LOC122513141: variants seen among roughly 807,000 people sequenced by gnomAD.
chr9:137,218,649 C>A, the LOC122513141 span: 1 of 398,616 alleles, frequency 2.5e-6, no homozygotes, highest in Non-Finnish European at 4.4e-6. Flanking sequence ...GGGGCCCAGA[C>A]TGGCCCACGT....
the LOC122513141 span, chr9:137,217,970 A>G: frequency 1.0e-5 from 4 of 398,690 alleles, no homozygotes; most frequent in East Asian, 7.1e-5. Context: ...GACTACAGCC[A>G]GTGAGCCCCT....
chr9:137,217,728 C>T, the LOC122513141 span: 2 of 366,836 alleles, frequency 5.5e-6, no homozygotes, highest in Non-Finnish European at 9.7e-6. Flanking sequence ...ACCCTGCCTT[C>T]CCTGAGGGCC....
the LOC122513141 span, chr9:137,218,076 G>A: frequency 5.0e-6 from 2 of 399,202 alleles, no homozygotes; most frequent in East Asian, 7.1e-5. Context: ...GAGGAGGAGT[G>A]CCCGATCTGC....
the LOC122513141 span, chr9:137,218,551 G>A: frequency 1.5e-5 from 6 of 399,838 alleles, no homozygotes; most frequent in East Asian, 7.1e-5. Context: ...TCTTCACGCC[G>A]CTCCTGCTGC....
At chr9:137,218,644 C>G in the LOC122513141 span, 1 of 398,460 alleles carries the variant, frequency 2.5e-6, no homozygotes, top group Non-Finnish European at 4.4e-6. Flanking sequence ...GCCAGGGGGC[C>G]CAGACTGGCC....
At chr9:137,218,884 G>A in the LOC122513141 span, 1 of 369,004 alleles carries the variant, frequency 2.7e-6, no homozygotes, top group Admixed American at 4.6e-5. Context: ...CAGCCCAGCA[G>A]GAAAGTCTGT....
chr9:137,218,346 C>G, the LOC122513141 span: 1 of 398,366 alleles, frequency 2.5e-6, no homozygotes, highest in Non-Finnish European at 4.4e-6. Flanking sequence ...AACCCTGGGC[C>G]CTGGGGCTCC....
chr9:137,218,316 C>T, the LOC122513141 span: 30 of 398,086 alleles, frequency 7.5e-5, no homozygotes, highest in Non-Finnish European at 1.2e-4. Flanking sequence ...CGCCGAGAGG[C>T]CCCTGCATCC....
the LOC122513141 span, chr9:137,218,401 C>T: frequency 4.3e-5 from 17 of 398,584 alleles, no homozygotes; most frequent in Middle Eastern, 6.3e-4. Flanking sequence ...GGCCCGTGGG[C>T]GGCCGGGGCT....
At chr9:137,218,236 C>T in the LOC122513141 span, 7 of 398,236 alleles carry the variant, frequency 1.8e-5, no homozygotes, top group East Asian at 1.8e-4. Context: ...AGAAGACGCC[C>T]GTGCTGGAAT....
the LOC122513141 span, chr9:137,218,116 C>T: frequency 1.3e-5 from 5 of 398,674 alleles, 1 homozygote; most frequent in Non-Finnish European, 2.2e-5. Context: ...GAGAGCGCCG[C>T]CTGGCCCTGC....
At chr9:137,218,240 C>T in the LOC122513141 span, 1 of 398,406 alleles carries the variant, frequency 2.5e-6, no homozygotes, top group Non-Finnish European at 4.4e-6. Context: ...GACGCCCGTG[C>T]TGGAATGGGA....
chr9:137,218,500 G>T, the LOC122513141 span: 3 of 398,576 alleles, frequency 7.5e-6, no homozygotes, highest in Non-Finnish European at 1.3e-5. Flanking sequence ...GCCTGGCGCT[G>T]CTGAGCCTGC....
the LOC122513141 span, chr9:137,218,950 C>T: frequency 1.5e-5 from 4 of 261,006 alleles, no homozygotes; most frequent in Non-Finnish European, 2.9e-5. Context: ...CACGGGCTGA[C>T]GCCGGCCACA....
At chr9:137,218,330 C>T in the LOC122513141 span, 74 of 398,160 alleles carry the variant, frequency 1.9e-4, no homozygotes, top group Non-Finnish European at 4.4e-5. Flanking sequence ...TGCATCCTAT[C>T]ACCGCAACCC....
the LOC122513141 span, chr9:137,218,537 C>T: frequency 2.5e-6 from 1 of 401,406 alleles, no homozygotes; most frequent in Non-Finnish European, 4.4e-6. Flanking sequence ...GGGGCTGCTG[C>T]TGGTCTTCAC....
chr9:137,218,426 C>T, the LOC122513141 span: 1 of 398,552 alleles, frequency 2.5e-6, no homozygotes, highest in Non-Finnish European at 4.4e-6. Flanking sequence ...GCCCTTCCTG[C>T]CCTGTCCACC....
chr9:137,218,914 C>T, the LOC122513141 span: 3 of 326,826 alleles, frequency 9.2e-6, no homozygotes, highest in African/African-American at 4.3e-5. Flanking sequence ...CCCATTCACC[C>T]TGCGGCAGAC....
chr9:137,218,162 C>T, the LOC122513141 span: 2 of 398,722 alleles, frequency 5.0e-6, no homozygotes. Context: ...GGGCTGCCTG[C>T]ACAGGCTGCT....
Sources: gnomAD v4.1 joint callset for allele counts on GRCh38, gnomAD v4.1.1 for gene constraint, MANE v1.5 for transcripts.